RORA: variants seen among roughly 807,000 people sequenced by gnomAD.
RORA encodes RAR related orphan receptor A, also known as nuclear receptor ROR-alpha.
Under a neutral mutation model 69.5 loss-of-function variants are expected in RORA, and 7 were observed. The observed-to-expected ratio is 0.10, with a 90% CI of 0.06 to 0.19. The LOEUF (loss-of-function observed/expected upper bound fraction) is 0.19, where lower values mean the gene tolerates loss of function less well. Ranked by LOEUF, RORA falls within the 10% of genes least tolerant of loss-of-function variation. The pLI is 1.00. For missense variants in RORA, 457 were observed against 663.0 expected, an observed-to-expected ratio of 0.69 and a Z score of 3.41; for synonymous variants, 261 against 240.8, an observed-to-expected ratio of 1.08 and a Z score of -0.78.
At position 60,563,082 on chromosome 15, in the gene RORA, G is replaced by A. The variant is rs566470208; in HGVS notation, c.197-31231C>T. On this transcript the variant is annotated intron_variant, in intron 2 of 10. Transcript: ENST00000335670. Reference sequence around the variant, plus strand: ...TTTTCTGAATCTTGTTACTTAAGGCGGACACGTATAAGTTGAAATTCTCCC... The same window carrying A: ...TTTTCTGAATCTTGTTACTTAAGGCAGACACGTATAAGTTGAAATTCTCCC... Among the ~76,000 whole-genome samples the A allele has an allele frequency of 4.5e-4, 69 of 152,148 alleles. 2 individuals carry two copies. Among genetic ancestry groups the A allele is most frequent in the East Asian group, 1.2e-3 (6 of 5,178 alleles).
intron 1 of RORA, among the ~76,000 whole-genome samples, chr15:60,923,802 G>C (rs896299419): frequency 6.6e-6 from 1 of 152,110 alleles, no homozygotes; most frequent in South Asian, 2.1e-4. Flanking sequence ...ACCCAGAAGA[G>C]CCAGGAAAAA....
At chr15:61,024,827 A>T (rs1255629057) in intron 1 of RORA, among the ~76,000 whole-genome samples, 1 of 152,038 alleles carries the variant, frequency 6.6e-6, no homozygotes, top group Non-Finnish European at 1.5e-5. Flanking sequence ...CTTGAGCTCA[A>T]GCAATCTGCC....
At chr15:61,188,727 G>C (rs1257989224) in intron 1 of RORA, among the ~76,000 whole-genome samples, 2 of 152,182 alleles carry the variant, frequency 1.3e-5, no homozygotes, top group Non-Finnish European at 2.9e-5. Flanking sequence ...TGGAGAGAGG[G>C]CAGGTGATAA....
chr15:60,899,843 G>A (rs947992316), intron 1 of RORA, among the ~76,000 whole-genome samples: 1 of 152,192 alleles, frequency 6.6e-6, no homozygotes, highest in Non-Finnish European at 1.5e-5. Context: ...AGACCACAAA[G>A]TCAAACTCTT....
At chr15:60,667,411 G>A (rs1294119520) in intron 2 of RORA, among the ~76,000 whole-genome samples, 3 of 152,066 alleles carry the variant, frequency 2.0e-5, no homozygotes. Context: ...ATCGGAGGCA[G>A]ATATTTCTGA....
intron 2 of RORA, among the ~76,000 whole-genome samples, chr15:60,643,275 T>A (rs1224091311): frequency 1.3e-5 from 2 of 152,228 alleles, no homozygotes; most frequent in Admixed American, 6.5e-5. Flanking sequence ...TTCTTTCTAC[T>A]CTGTCATGTG....
At chr15:60,991,668 C>A (rs539608444) in intron 1 of RORA, among the ~76,000 whole-genome samples, 1 of 152,048 alleles carries the variant, frequency 6.6e-6, no homozygotes, top group South Asian at 2.1e-4. Context: ...GAGGCTGAGG[C>A]GAGAGGATTG....
At chr15:60,778,623 AG>A (rs1309642547) in intron 1 of RORA, among the ~76,000 whole-genome samples, 4 of 152,120 alleles carry the variant, frequency 2.6e-5, no homozygotes, top group Admixed American at 6.5e-5. Flanking sequence ...CCTTGAAGGT[AG>A]GGGGTCAGGA....
intron 1 of RORA, among the ~76,000 whole-genome samples, chr15:60,841,525 C>A (rs957231880): frequency 3.3e-5 from 5 of 152,204 alleles, no homozygotes; most frequent in Non-Finnish European, 5.9e-5. Context: ...GAGAAGGAGG[C>A]CCCTGCCATT....
intron 1 of RORA, among the ~76,000 whole-genome samples, chr15:61,088,124 G>C (rs2078652369): frequency 6.6e-6 from 1 of 152,168 alleles, no homozygotes; most frequent in Non-Finnish European, 1.5e-5. Context: ...TTGACCTCAA[G>C]GCACTCACAT....
At chr15:60,596,891 C>A (rs553303722) in intron 2 of RORA, among the ~76,000 whole-genome samples, 52 of 152,238 alleles carry the variant, frequency 3.4e-4, no homozygotes, top group African/African-American at 1.2e-3. Context: ...CACACCCACC[C>A]ACACACACAT....
chr15:61,206,046 C>A (rs2079938165), intron 1 of RORA, among the ~76,000 whole-genome samples: 1 of 152,126 alleles, frequency 6.6e-6, no homozygotes, highest in Non-Finnish European at 1.5e-5. Context: ...AAGGACTGAG[C>A]CCAGTGTGTT....
At chr15:61,161,648 T>C (rs938353346) in intron 1 of RORA, among the ~76,000 whole-genome samples, 15 of 151,148 alleles carry the variant, frequency 9.9e-5, no homozygotes, top group African/African-American at 3.7e-4. Flanking sequence ...ACTACAAAAA[T>C]AGAATCTCAA....
intron 1 of RORA, among the ~76,000 whole-genome samples, chr15:60,932,004 G>T (rs536265891): frequency 5.0e-4 from 76 of 151,702 alleles, no homozygotes; most frequent in Middle Eastern, 3.4e-3. Flanking sequence ...AATTCTCAAA[G>T]CAATATCTAG....
intron 1 of RORA, among the ~76,000 whole-genome samples, chr15:60,999,303 A>G (rs913668942): frequency 4.6e-5 from 7 of 152,114 alleles, no homozygotes; most frequent in African/African-American, 1.2e-4. Context: ...CCCAGGCTCC[A>G]TTTGAACATG....
At chr15:60,977,707 C>T (rs1310767852) in intron 1 of RORA, among the ~76,000 whole-genome samples, 1 of 152,152 alleles carries the variant, frequency 6.6e-6, no homozygotes, top group African/African-American at 2.4e-5. Flanking sequence ...TGGAAGCACA[C>T]TGTATGTGTC....
At position 60,788,363 on chromosome 15, in the gene RORA, C is replaced by T. The variant is rs144903999; in HGVS notation, c.167-109677G>A. Among the ~76,000 whole-genome samples the T allele has an allele frequency of 4.9e-3, 748 of 152,284 alleles. 9 individuals carry two copies. Among genetic ancestry groups the T allele is most frequent in the African/African-American group, 0.017 (715 of 41,548 alleles). On this transcript the variant is annotated intron_variant, in intron 1 of 10. Coordinates refer to ENST00000335670, the MANE Select transcript of RORA (RefSeq NM_134261.3). ...TTCATGGCTGGTGGGGTGGGGAATG[C>T]TTTCCCATTAGAGGGAACAGTGTGT...
intron 1 of RORA, among the ~76,000 whole-genome samples, chr15:61,100,144 G>C (rs1260211275): frequency 6.9e-6 from 1 of 144,466 alleles, no homozygotes; most frequent in African/African-American, 2.6e-5. Context: ...TTTTGAGATG[G>C]AGTCTCACTC....
chr15:60,620,892 C>G (rs947194354), intron 2 of RORA, among the ~76,000 whole-genome samples: 13 of 152,258 alleles, frequency 8.5e-5, no homozygotes. Flanking sequence ...CGGAAAGTTA[C>G]TGCATGTGAA....
Sources: allele counts gnomAD v4.1 joint callset (sites outside exome capture counted in the v4.1 genomes callset), GRCh38; gene constraint gnomAD v4.1.1; transcripts MANE v1.5; gene names NCBI Gene and HGNC (gene_info 2026-07-23, HGNC 2026-07-21).